Variants in ZDHHC14 observed in about 807,000 individuals in gnomAD.
ZDHHC14 encodes the protein palmitoyltransferase ZDHHC14.
A neutral mutation model predicts 47.7 loss-of-function variants in ZDHHC14; 16 were observed. The observed-to-expected ratio is 0.34, with a 90% confidence interval of 0.23 to 0.51. ZDHHC14 has a LOEUF of 0.51. ZDHHC14 is among the 20% of genes least tolerant of loss of function. The probability of loss-of-function intolerance (pLI) is 0.97; values close to 1 mark genes in which losing one functional copy is unlikely to be tolerated. For synonymous variants in ZDHHC14, 293 were observed against 278.9 expected (o/e 1.05, Z -0.50); for missense variants, 515 against 662.5 (o/e 0.78, Z 2.44).
At chr6:157,657,699 C>T (rs773416933) in intron 8 of ZDHHC14, among the ~76,000 whole-genome samples, 10 of 152,304 alleles carry the variant, frequency 6.6e-5, no homozygotes, top group South Asian at 2.1e-4. Context: ...AGCACTACTC[C>T]GGATTTGGTA....
chr6:157,452,026 TC>T (rs1562430699), intron 1 of ZDHHC14, among the ~76,000 whole-genome samples: 1 of 152,076 alleles, frequency 6.6e-6, no homozygotes, highest in South Asian at 2.1e-4. Flanking sequence ...TTATGAATAA[TC>T]CGGAAAGATG....
At chr6:157,563,575 C>A (rs1274509508) in intron 2 of ZDHHC14, among the ~76,000 whole-genome samples, 1 of 152,210 alleles carries the variant, frequency 6.6e-6, no homozygotes, top group Non-Finnish European at 1.5e-5. Flanking sequence ...TCCGTGTATC[C>A]ACACTGTGTG....
At chr6:157,436,104 A>T (rs1778435070) in intron 1 of ZDHHC14, among the ~76,000 whole-genome samples, 1 of 151,850 alleles carries the variant, frequency 6.6e-6, no homozygotes, top group Non-Finnish European at 1.5e-5. Flanking sequence ...ACTGTGGGGG[A>T]TTTTGGAGGC....
At chr6:157,620,628 G>A (rs1345821211) in intron 3 of ZDHHC14, among the ~76,000 whole-genome samples, 1 of 152,224 alleles carries the variant, frequency 6.6e-6, no homozygotes, top group Non-Finnish European at 1.5e-5. Flanking sequence ...CTTTTCTTGT[G>A]CTGCAGAGTC....
At chr6:157,386,650 G>A (rs1777317628) in intron 1 of ZDHHC14, among the ~76,000 whole-genome samples, 1 of 152,218 alleles carries the variant, frequency 6.6e-6, no homozygotes, top group African/African-American at 2.4e-5. Context: ...CTGATGAAAA[G>A]TGACAGCATT....
chr6:157,655,435 C>T (rs1443347183), intron 8 of ZDHHC14, among the ~76,000 whole-genome samples: 1 of 152,218 alleles, frequency 6.6e-6, no homozygotes, highest in African/African-American at 2.4e-5. Flanking sequence ...TCTTACACTG[C>T]ATGCCTGCAA....
chr6:157,612,268 C>T (rs111591466), intron 3 of ZDHHC14, among the ~76,000 whole-genome samples: 56,236 of 152,106 alleles, frequency 0.37, 10,681 homozygotes, highest in South Asian at 0.44. Context: ...AAAGGTCTCT[C>T]GGAGGACACC....
intron 2 of ZDHHC14, among the ~76,000 whole-genome samples, chr6:157,573,689 T>G (rs1376176241): frequency 2.6e-5 from 4 of 152,172 alleles, no homozygotes; most frequent in African/African-American, 9.7e-5. Context: ...GTGCACGTGG[T>G]CCAAGCATTC....
chr6:157,460,852 A>G (rs1248333217), intron 1 of ZDHHC14, among the ~76,000 whole-genome samples: 1 of 152,158 alleles, frequency 6.6e-6, no homozygotes, highest in Non-Finnish European at 1.5e-5. Context: ...GTGCAGGCCG[A>G]TGTGGGCCTT....
intron 3 of ZDHHC14, among the ~76,000 whole-genome samples, chr6:157,619,164 T>G (rs1198691183): frequency 6.6e-6 from 1 of 151,704 alleles, no homozygotes; most frequent in East Asian, 1.9e-4. Context: ...GTGGATCACT[T>G]GAGATCAGGA....
intron 1 of ZDHHC14, among the ~76,000 whole-genome samples, chr6:157,453,327 G>A (rs1778844769): frequency 6.6e-6 from 1 of 152,216 alleles, no homozygotes; most frequent in East Asian, 1.9e-4. Flanking sequence ...CCCAAAAAAC[G>A]CTGACAATCC....
At chr6:157,514,221 TG>T (rs1159143832) in intron 1 of ZDHHC14, among the ~76,000 whole-genome samples, 2 of 152,174 alleles carry the variant, frequency 1.3e-5, no homozygotes, top group Non-Finnish European at 2.9e-5. Context: ...CTCAATTTTT[TG>T]GGGGGACAAG....
At chr6:157,593,262 A>T in intron 3 of ZDHHC14, 116 bp downstream of exon 3, 1 of 1,325,552 alleles carries the variant, frequency 7.5e-7, no homozygotes, top group Non-Finnish European at 1.0e-6. Flanking sequence ...GCGCATTTGC[A>T]TGTTGCCACT....
rs562968560 is a variant in ZDHHC14 at position 157,427,206 on chromosome 6, G to A, written c.245+44940G>A. Among the ~76,000 whole-genome samples, 1 of 152,204 alleles carries A rather than the reference G, an allele frequency of 6.6e-6. No individual in the cohort carries two copies. Among genetic ancestry groups the A allele is most frequent in the South Asian group, 2.1e-4 (1 of 4,824 alleles). ...AGGAAGGAGGAAGGGCGGGTGGAGG[G>A]GCAGCTGTGGGAGGGCTCGCCTCAT... On this transcript the variant is annotated intron_variant, in intron 1 of 8. Coordinates refer to ENST00000359775, the MANE Select transcript of ZDHHC14 (RefSeq NM_024630.3). The surrounding 1 kb of genome is among the most constrained non-coding windows in gnomAD (Gnocchi z 4.4).
At chr6:157,630,164 G>C (rs898274846) in intron 4 of ZDHHC14, 1 of 151,722 alleles carries the variant, frequency 6.6e-6, no homozygotes, top group Non-Finnish European at 1.5e-5. Flanking sequence ...ATTTTTAGTA[G>C]AGATAGGGTT....
At chr6:157,662,711 A>AT in intron 8 of ZDHHC14, among the ~76,000 whole-genome samples, 1 of 152,354 alleles carries the variant, frequency 6.6e-6, no homozygotes, top group East Asian at 1.9e-4. Flanking sequence ...CCTTGAAGTT[A>AT]TGGCCATGGT....
At chr6:157,643,650 A>AAAATATATATATATATATATATAT (rs765773743) in intron 5 of ZDHHC14, among the ~76,000 whole-genome samples, 1 of 72,518 alleles carries the variant, frequency 1.4e-5, no homozygotes, top group African/African-American at 4.5e-5. Context: ...CTTCATCTCA[A>AAAATATATATATATATATATATAT]ATATATATAT....
intron 5 of ZDHHC14, among the ~76,000 whole-genome samples, chr6:157,637,194 C>T (rs962834829): frequency 6.6e-6 from 1 of 152,212 alleles, no homozygotes; most frequent in African/African-American, 2.4e-5. Flanking sequence ...CTCTGGACAC[C>T]TGTGGCTTTG....
chr6:157,489,888 C>G (rs768230765), intron 1 of ZDHHC14, among the ~76,000 whole-genome samples: 25 of 152,128 alleles, frequency 1.6e-4, no homozygotes, highest in Admixed American at 2.6e-4. Context: ...ATTAGAAGCT[C>G]GCTCTGGCTG....
Sources: allele counts gnomAD v4.1 joint callset (sites outside exome capture counted in the v4.1 genomes callset), GRCh38; gene constraint gnomAD v4.1.1; non-coding constraint Gnocchi (gnomAD v3.1); transcripts MANE v1.5; gene names NCBI Gene and HGNC (gene_info 2026-07-23, HGNC 2026-07-21).